Variants in ADAM12 observed in about 807,000 individuals in gnomAD.
ADAM12 encodes ADAM metallopeptidase domain 12.
ADAM12 carries 70 observed loss-of-function variants against 106.4 expected under a neutral mutation model. The observed-to-expected ratio is 0.66, with a 90% CI of 0.54 to 0.80. The LOEUF (loss-of-function observed/expected upper bound fraction) is 0.80. Ranked by LOEUF, ADAM12 falls within the 30% of genes least tolerant of loss-of-function variation. The pLI is 0.00. For missense variants in ADAM12, 1,010 were observed against 1,171.9 expected (o/e 0.86, Z 2.02); for synonymous variants, 420 against 433.5 (o/e 0.97, Z 0.39).
At chr10:126,036,070 A>G in intron 21 of ADAM12, 76 bp downstream of exon 21, 1 of 1,272,252 alleles carries the variant, frequency 7.9e-7, no homozygotes, top group Non-Finnish European at 1.0e-6. Flanking sequence ...TAAGCAACTT[A>G]TCTAAGCTCA....
chr10:126,285,028 G>A (rs538116916), intron 2 of ADAM12, among the ~76,000 whole-genome samples: 17 of 152,348 alleles, frequency 1.1e-4, no homozygotes, highest in East Asian at 1.9e-4. Context: ...AAGAGTGGCC[G>A]AAGGCCAGGG....
chr10:126,159,289 A>G lies in ADAM12; in HGVS notation c.261-3984T>C, dbSNP rs924356635. Among the ~76,000 whole-genome samples, 56 of 135,208 alleles carry G rather than the reference A, an allele frequency of 4.1e-4. No homozygotes were observed. The South Asian group carries it at 4.9e-3, about 12-fold the overall frequency. 88.7% of individuals were successfully genotyped at this position (135,208 alleles called of 152,430 possible). A position where few individuals can be genotyped will look rare whatever the true frequency, so the allele number is the denominator to read the frequency against. ...CATGCCACTGCACTCCAGCCTGGGCAACAGAGCGAGACTCCATCAAAAAAA... is the reference window on the plus strand; with the variant it reads ...CATGCCACTGCACTCCAGCCTGGGCGACAGAGCGAGACTCCATCAAAAAAA... On this transcript the variant is annotated intron_variant, in intron 3 of 22. Transcript: ENST00000448723.
At chr10:126,333,536 G>A (rs759776452) in intron 1 of ADAM12, among the ~76,000 whole-genome samples, 2 of 152,234 alleles carry the variant, frequency 1.3e-5, no homozygotes, top group Admixed American at 6.5e-5. Context: ...CTCCTGCAGG[G>A]AGGGGTGTAG....
chr10:126,173,182 C>A (rs2133766998), intron 3 of ADAM12, among the ~76,000 whole-genome samples: 1 of 152,228 alleles, frequency 6.6e-6, no homozygotes, highest in Non-Finnish European at 1.5e-5. Flanking sequence ...GTGCAGCAAA[C>A]CACCATGGCA....
chr10:126,256,911 A>AATG (rs1396696517), intron 3 of ADAM12, among the ~76,000 whole-genome samples: 1 of 114,930 alleles, frequency 8.7e-6, no homozygotes, highest in East Asian at 2.8e-4. Context: ...GGATGGGAAT[A>AATG]ATAATAATAA....
In ADAM12 at chr10:126,118,060, G is replaced by A. The variant is rs748484109; in HGVS notation, c.581C>T (p.Pro194Leu). The change falls in exon 6 of 23, where the codon CCC (proline) becomes CTC (leucine). Residue 194 changes from proline (P) to leucine (L), a missense_variant. Around this residue, in one of 3 missense-constraint regions of ADAM12, gnomAD observed 391 missense variants for 442.9 expected, o/e 0.88. Transcript: ENST00000448723. ...TACCCTTCTTGCCCATGTCTGAGAG[G>A]GTGGTGGAAACACATTCTTTGCAGC... ...NLAAKNVFPP[P>L]SQTWARRHKR... 11 of 1,614,054 alleles carry A rather than the reference G, an allele frequency of 6.8e-6. No individual in the cohort carries two copies. Among genetic ancestry groups the A allele is most frequent in the African/African-American group, 4.0e-5 (3 of 75,024 alleles).
chr10:126,269,463 T>C (rs1401325735), intron 3 of ADAM12, among the ~76,000 whole-genome samples: 1 of 152,182 alleles, frequency 6.6e-6, no homozygotes, highest in African/African-American at 2.4e-5. Context: ...CATCATGGTC[T>C]TTCTTTTGAG....
intron 21 of ADAM12, among the ~76,000 whole-genome samples, chr10:126,029,262 T>A (rs968270061): frequency 1.3e-5 from 2 of 152,142 alleles, no homozygotes; most frequent in Admixed American, 6.6e-5. Flanking sequence ...CCCAAAGGAA[T>A]AGAAATCATT....
At chr10:126,113,397 C>A (rs901914170) in intron 6 of ADAM12, among the ~76,000 whole-genome samples, 1 of 151,732 alleles carries the variant, frequency 6.6e-6, no homozygotes, top group Non-Finnish European at 1.5e-5. Context: ...TGGTGGCTTA[C>A]GCCTGTAATC....
At chr10:126,327,076 G>A (rs1854330221) in intron 2 of ADAM12, among the ~76,000 whole-genome samples, 2 of 151,776 alleles carry the variant, frequency 1.3e-5, no homozygotes, top group Admixed American at 1.3e-4. Flanking sequence ...CCCATGCTAT[G>A]GCACCATAGG....
intron 11 of ADAM12, among the ~76,000 whole-genome samples, chr10:126,076,726 T>C (rs1955109187): frequency 6.6e-6 from 1 of 152,220 alleles, no homozygotes; most frequent in Admixed American, 6.5e-5. Flanking sequence ...TACTTGTTGA[T>C]TTAAGTTCCT....
At chr10:126,238,199 G>C (rs1248569533) in intron 3 of ADAM12, among the ~76,000 whole-genome samples, 1 of 152,188 alleles carries the variant, frequency 6.6e-6, no homozygotes, top group Non-Finnish European at 1.5e-5. Context: ...TTAAATCCTG[G>C]CCGGGCAGGG....
At chr10:126,301,857 C>T (rs78622296) in intron 2 of ADAM12, among the ~76,000 whole-genome samples, 2,137 of 152,236 alleles carry the variant, frequency 0.014, 21 homozygotes, top group Admixed American at 0.022. Context: ...AACTTCCAGG[C>T]GTAGTTAATA....
chr10:126,143,289 T>A (rs1956554870), intron 4 of ADAM12, among the ~76,000 whole-genome samples: 1 of 150,232 alleles, frequency 6.7e-6, no homozygotes, highest in Non-Finnish European at 1.5e-5. Context: ...TATGCATGTG[T>A]GTGTGTGCAT....
At chr10:126,349,512 A>G (rs1016610250) in intron 1 of ADAM12, among the ~76,000 whole-genome samples, 5 of 152,238 alleles carry the variant, frequency 3.3e-5, no homozygotes, top group Admixed American at 3.3e-4. Flanking sequence ...AAAACATGTT[A>G]AAGAAAGCTA....
chr10:126,194,353 T>C (rs17154488), intron 3 of ADAM12, among the ~76,000 whole-genome samples: 2,411 of 150,984 alleles, frequency 0.016, 22 homozygotes, highest in Non-Finnish European at 0.026. Context: ...AAGAATCCTT[T>C]AAGCTTTCTG....
intron 18 of ADAM12, 30 bp from the exon 19 acceptor site, chr10:126,039,459 G>T: frequency 1.2e-6 from 2 of 1,613,372 alleles, no homozygotes; most frequent in Non-Finnish European, 1.7e-6. Context: ...GCTCACAGAA[G>T]GAGGCAGTTA....
At chr10:126,217,976 C>CAA (rs35149158) in intron 3 of ADAM12, among the ~76,000 whole-genome samples, 13 of 107,742 alleles carry the variant, frequency 1.2e-4, no homozygotes, top group East Asian at 9.9e-4. Flanking sequence ...CTCTGTCTCT[C>CAA]AAAAAAAAAA....
chr10:126,105,111 T>C (rs1441049060), intron 8 of ADAM12, among the ~76,000 whole-genome samples: 1 of 152,118 alleles, frequency 6.6e-6, no homozygotes, highest in Non-Finnish European at 1.5e-5. Context: ...GCTCTCTCCC[T>C]GCCAGAAACA....
Sources: gnomAD v4.1 joint callset for allele counts (sites outside exome capture counted in the v4.1 genomes callset) on GRCh38, gnomAD v4.1.1 for gene constraint, gnomAD v4.1.1 regional missense constraint, MANE v1.5 for transcripts, NCBI Gene and HGNC (gene_info 2026-07-23, HGNC 2026-07-21) for gene names.